The following SAMTOR variants were observed in gnomAD, a reference collection of about 807,000 sequenced individuals.
SAMTOR encodes S-adenosylmethionine sensor upstream of mTORC1.
At chr7:112,872,819 A>AG in the SAMTOR span, among the ~76,000 whole-genome samples, 1 of 151,796 alleles carries the variant, frequency 6.6e-6, no homozygotes, top group Non-Finnish European at 1.5e-5. Context: ...AAAAAAAAAA[A>AG]GAAATTTAAA....
the SAMTOR span, among the ~76,000 whole-genome samples, chr7:112,924,779 A>G: frequency 6.6e-6 from 1 of 151,226 alleles, no homozygotes; most frequent in Non-Finnish European, 1.5e-5. Context: ...ATGTTAAATC[A>G]TAATAAATTA....
At chr7:112,896,203 ACGCG>A in the SAMTOR span, among the ~76,000 whole-genome samples, 1 of 151,440 alleles carries the variant, frequency 6.6e-6, no homozygotes, top group Admixed American at 6.6e-5. Context: ...GCACGCGCGC[ACGCG>A]CGTGTGTGTG....
the SAMTOR span, chr7:112,939,736 G>A: frequency 1.2e-5 from 19 of 1,602,158 alleles, no homozygotes; most frequent in African/African-American, 9.4e-5. Context: ...TTCGGCCGCC[G>A]GCCCCTGGCT....
the SAMTOR span, among the ~76,000 whole-genome samples, chr7:112,867,085 C>G: frequency 6.6e-6 from 1 of 152,200 alleles, no homozygotes; most frequent in East Asian, 1.9e-4. Context: ...AAACACAATA[C>G]AGCCAAAATG....
the SAMTOR span, among the ~76,000 whole-genome samples, chr7:112,824,359 GTTTGTTTT>G: frequency 2.0e-5 from 3 of 151,228 alleles, no homozygotes; most frequent in African/African-American, 4.9e-5. Context: ...TTTTTTGTTT[GTTTGTTTT>G]TTTGTTTTTT....
chr7:112,834,157 A>G, the SAMTOR span, among the ~76,000 whole-genome samples: 1 of 152,200 alleles, frequency 6.6e-6, no homozygotes, highest in Non-Finnish European at 1.5e-5. Flanking sequence ...GACTTTTATT[A>G]GCATGGCATT....
the SAMTOR span, among the ~76,000 whole-genome samples, chr7:112,909,691 G>T: frequency 1.3e-5 from 2 of 151,978 alleles, no homozygotes; most frequent in Non-Finnish European, 2.9e-5. Flanking sequence ...AAAGGCTAAT[G>T]TATTAATGTA....
chr7:112,907,788 G>C, the SAMTOR span, among the ~76,000 whole-genome samples: 1 of 151,908 alleles, frequency 6.6e-6, no homozygotes, highest in Non-Finnish European at 1.5e-5. Context: ...AAATTCAATA[G>C]CTGAGCCACA....
the SAMTOR span, chr7:112,915,403 C>T: frequency 1.4e-5 from 23 of 1,613,420 alleles, no homozygotes; most frequent in Non-Finnish European, 1.9e-5. Flanking sequence ...CAAAGAGTTT[C>T]TTCATCCTCA....
At chr7:112,831,773 T>C in the SAMTOR span, among the ~76,000 whole-genome samples, 1,413 of 152,294 alleles carry the variant, frequency 9.3e-3, 19 homozygotes, top group African/African-American at 0.032. Context: ...TTTATTGAGT[T>C]CCCATAATGT....
the SAMTOR span, among the ~76,000 whole-genome samples, chr7:112,901,972 T>C: frequency 2.0e-5 from 3 of 152,042 alleles, no homozygotes; most frequent in Non-Finnish European, 2.9e-5. Context: ...AAATGAGATA[T>C]CAAGCCATAA....
chr7:112,927,170 AAGTT>A, the SAMTOR span, among the ~76,000 whole-genome samples: 2 of 152,066 alleles, frequency 1.3e-5, no homozygotes, highest in African/African-American at 4.8e-5. Flanking sequence ...AATCCAAAAA[AAGTT>A]AGGGTTCACC....
chr7:112,883,527 C>T, the SAMTOR span, among the ~76,000 whole-genome samples: 1 of 152,152 alleles, frequency 6.6e-6, no homozygotes, highest in African/African-American at 2.4e-5. Flanking sequence ...AGCTTAAAGT[C>T]AAAACTGTAT....
At chr7:112,931,254 T>C in the SAMTOR span, among the ~76,000 whole-genome samples, 1 of 151,402 alleles carries the variant, frequency 6.6e-6, no homozygotes, top group Non-Finnish European at 1.5e-5. Context: ...CCTGGCAAAA[T>C]AATATAGAGA....
At chr7:112,820,118 A>T in the SAMTOR span, 3 of 152,632 alleles carry the variant, frequency 2.0e-5, no homozygotes, top group South Asian at 4.1e-4. Flanking sequence ...TATTGCATTT[A>T]ATCAACTGAC....
chr7:112,830,880 C>CT, the SAMTOR span, among the ~76,000 whole-genome samples: 5,100 of 142,246 alleles, frequency 0.036, 128 homozygotes, highest in Non-Finnish European at 0.054. Flanking sequence ...GCTTTAAATA[C>CT]TTTTTTTTTT....
chr7:112,901,154 AC>A, the SAMTOR span, among the ~76,000 whole-genome samples: 3 of 152,140 alleles, frequency 2.0e-5, no homozygotes, highest in Non-Finnish European at 4.4e-5. Context: ...GGGGTCCCCA[AC>A]CCCCAGTACT....
the SAMTOR span, among the ~76,000 whole-genome samples, chr7:112,831,919 G>T: frequency 6.6e-6 from 1 of 151,896 alleles, no homozygotes; most frequent in Non-Finnish European, 1.5e-5. Context: ...ATTTCAGAAA[G>T]AGATGCATTA....
the SAMTOR span, among the ~76,000 whole-genome samples, chr7:112,897,105 A>G: frequency 6.6e-6 from 1 of 152,194 alleles, no homozygotes; most frequent in Non-Finnish European, 1.5e-5. Flanking sequence ...CAATTTTAAA[A>G]TGCAGTCTTT....
Sources: gnomAD v4.1 joint callset for allele counts (sites outside exome capture counted in the v4.1 genomes callset) on GRCh38, gnomAD v4.1.1 for gene constraint, MANE v1.5 for transcripts, NCBI Gene and HGNC (gene_info 2026-07-23, HGNC 2026-07-21) for gene names.